PLCH1: variants seen among roughly 807,000 people sequenced by gnomAD.
PLCH1 encodes 1-phosphatidylinositol 4,5-bisphosphate phosphodiesterase eta-1.
Under a neutral mutation model 126.7 loss-of-function variants are expected in PLCH1, and 60 were observed. That is an observed-to-expected ratio of 0.47 (90% CI 0.38 to 0.59). The LOEUF (loss-of-function observed/expected upper bound fraction) is 0.59, where lower values mean the gene tolerates loss of function less well. Among genes scored for constraint, PLCH1 ranks in the 20% least tolerant of loss-of-function variants. The pLI is 0.00. For missense variants in PLCH1, 1,723 were observed against 2,040.0 expected (o/e 0.84, Z 2.99); for synonymous variants, 719 against 734.9 (o/e 0.98, Z 0.35).
At chr3:155,510,930 G>T (rs1420193667) in intron 12 of PLCH1, among the ~76,000 whole-genome samples, 1 of 110,442 alleles carries the variant, frequency 9.1e-6, no homozygotes, top group Non-Finnish European at 1.7e-5. Flanking sequence ...AAGTTCTCCT[G>T]GATAATATCC....
At chr3:155,580,091 A>T (rs1730467112) in intron 6 of PLCH1, among the ~76,000 whole-genome samples, 1 of 152,234 alleles carries the variant, frequency 6.6e-6, no homozygotes, top group African/African-American at 2.4e-5. Flanking sequence ...TCAAACCAAC[A>T]TTAACTTATC....
intron 2 of PLCH1, among the ~76,000 whole-genome samples, chr3:155,687,774 C>T (rs1745070174): frequency 6.6e-6 from 1 of 152,144 alleles, no homozygotes; most frequent in African/African-American, 2.4e-5. Context: ...TGATATAATT[C>T]CCAAGGATCG....
chr3:155,503,497 G>C (rs1336391156), intron 13 of PLCH1, among the ~76,000 whole-genome samples: 4 of 147,798 alleles, frequency 2.7e-5, no homozygotes, highest in Non-Finnish European at 4.5e-5. Flanking sequence ...TTTCCTCTTT[G>C]TACTATTACC....
chr3:155,564,573 A>T (rs1045960739), intron 8 of PLCH1, among the ~76,000 whole-genome samples: 1 of 152,074 alleles, frequency 6.6e-6, no homozygotes, highest in Non-Finnish European at 1.5e-5. Context: ...CAAAAAAAAT[A>T]AAAAATTAAA....
In PLCH1 at chr3:155,568,754, C is replaced by CTGTG. The variant is rs3068946; in HGVS notation, c.772-434_772-431dup. ...AGAATGTTTCTAAGTAAATGTACCTCTGTGTGTGTGTGTGTGTGTGTGTGT... is the reference window on the plus strand; with the variant it reads ...AGAATGTTTCTAAGTAAATGTACCTCTGTGTGTGTGTGTGTGTGTGTGTGTGTGT... On this transcript the variant is annotated intron_variant, in intron 6 of 22. Coordinates refer to ENST00000460012, the MANE Select transcript of PLCH1 (RefSeq NM_014996.4). Among the ~76,000 whole-genome samples the CTGTG allele has an allele frequency of 2.5e-3, 369 of 147,084 alleles. 3 individuals are homozygous for CTGTG. Among genetic ancestry groups the CTGTG allele is most frequent in the South Asian group, 6.1e-3 (28 of 4,598 alleles).
In PLCH1 at chr3:155,482,236, T is replaced by C; in HGVS notation, c.3790A>G (p.Asn1264Asp). The C allele has an allele frequency of 6.2e-7, 1 of 1,614,134 alleles. No homozygotes were observed. The highest frequency in any genetic ancestry group is 8.5e-7 in the Non-Finnish European group (1 of 1,180,004). Residue 1264 changes from asparagine to aspartate, a missense_variant, in exon 23 of 23, where the codon AAC becomes GAC. This residue lies in a region of PLCH1 where 947 missense variants were observed against 977.1 expected (regional missense o/e 0.97). Coordinates refer to ENST00000460012, the MANE Select transcript of PLCH1 (RefSeq NM_014996.4). ...SSSETTKHAT[N>D]TVYETTCTPI... ...GTGCAGGTAGTTTCATAAACTGTGT[T>C]CGTTGCATGTTTGGTGGTCTCAGAA...
At chr3:155,587,112 A>G (rs1731476323) in intron 4 of PLCH1, among the ~76,000 whole-genome samples, 1 of 152,128 alleles carries the variant, frequency 6.6e-6, no homozygotes, top group Non-Finnish European at 1.5e-5. Flanking sequence ...ATTAGTTCTC[A>G]TTCACAAGGT....
At chr3:155,629,281 G>C (rs555964043) in intron 2 of PLCH1, among the ~76,000 whole-genome samples, 1 of 152,256 alleles carries the variant, frequency 6.6e-6, no homozygotes, top group South Asian at 2.1e-4. Context: ...CAATAAAACT[G>C]CTTCCAAATG....
chr3:155,622,673 T>C (rs1736673384), intron 2 of PLCH1, among the ~76,000 whole-genome samples: 1 of 147,868 alleles, frequency 6.8e-6, no homozygotes, highest in Admixed American at 6.7e-5. Context: ...ACAAGGGCAT[T>C]ACATAATGGT....
At chr3:155,615,226 A>G (rs1002339716) in intron 2 of PLCH1, among the ~76,000 whole-genome samples, 8 of 152,230 alleles carry the variant, frequency 5.3e-5, no homozygotes, top group African/African-American at 1.9e-4. Context: ...AATCAAAACC[A>G]CAATGCGATA....
chr3:155,662,600 C>A (rs74322034), intron 2 of PLCH1, among the ~76,000 whole-genome samples: 1,914 of 151,940 alleles, frequency 0.013, 42 homozygotes, highest in African/African-American at 0.043. Context: ...CCAAATACCC[C>A]CAGCCCCAGT....
chr3:155,503,277 G>A (rs952449164), intron 13 of PLCH1, among the ~76,000 whole-genome samples: 2 of 152,040 alleles, frequency 1.3e-5, no homozygotes, highest in Non-Finnish European at 2.9e-5. Context: ...ACTCTATAGG[G>A]TTTCTTTTGC....
At chr3:155,636,549 AC>A (rs2108835824) in intron 2 of PLCH1, among the ~76,000 whole-genome samples, 1 of 152,080 alleles carries the variant, frequency 6.6e-6, no homozygotes, top group South Asian at 2.1e-4. Flanking sequence ...AGAGTTCAAG[AC>A]CAGCTGGCTA....
chr3:155,569,472 G>C (rs1009522231), intron 6 of PLCH1, among the ~76,000 whole-genome samples: 2 of 152,016 alleles, frequency 1.3e-5, no homozygotes, highest in Non-Finnish European at 2.9e-5. Flanking sequence ...TTTCAAACTA[G>C]CATGGTGGCT....
chr3:155,490,837 A>G lies in PLCH1; in HGVS notation c.2339T>C (p.Ile780Thr), dbSNP rs2108072329. The G allele has an allele frequency of 6.3e-7, 1 of 1,595,524 alleles. No individual in the cohort carries two copies. The highest frequency in any genetic ancestry group is 1.3e-5 in the African/African-American group (1 of 74,708). Residue 780 changes from isoleucine (I) to threonine (T), a missense_variant, in exon 19 of 23, where the codon ATT (isoleucine) becomes ACT (threonine). Coordinates refer to ENST00000460012, the MANE Select transcript of PLCH1 (RefSeq NM_014996.4). Reference protein sequence around the residue: ...IIDPFVEVEIIGLPVDCCKDQ... With the variant: ...IIDPFVEVEITGLPVDCCKDQ... ...TTTACAACAATCTACTGGCAATCCA[A>G]TAATTTCAACTTCAACAAAAGGGTC...
chr3:155,663,726 T>C (rs1742431704), intron 2 of PLCH1, among the ~76,000 whole-genome samples: 1 of 152,142 alleles, frequency 6.6e-6, no homozygotes, highest in Non-Finnish European at 1.5e-5. Flanking sequence ...AAGCAGTCAA[T>C]AAACATTAGC....
At chr3:155,740,931 A>G (rs1577394021) in intron 1 of PLCH1, among the ~76,000 whole-genome samples, 1 of 152,208 alleles carries the variant, frequency 6.6e-6, no homozygotes, top group African/African-American at 2.4e-5. Flanking sequence ...GACTATAATA[A>G]GGCATAGGCA....
At chr3:155,667,837 G>A (rs1742905062) in intron 2 of PLCH1, among the ~76,000 whole-genome samples, 1 of 150,510 alleles carries the variant, frequency 6.6e-6, no homozygotes, top group Admixed American at 6.6e-5. Flanking sequence ...GGCTGAGGGG[G>A]GTGGATCACC....
chr3:155,736,484 A>C (rs1749183653), intron 1 of PLCH1, among the ~76,000 whole-genome samples: 1 of 152,218 alleles, frequency 6.6e-6, no homozygotes, highest in Non-Finnish European at 1.5e-5. Context: ...TGGGCAAAAA[A>C]ATAAGAAAAA....
Sources: gnomAD v4.1 joint callset for allele counts (sites outside exome capture counted in the v4.1 genomes callset) on GRCh38, gnomAD v4.1.1 for gene constraint, gnomAD v4.1.1 regional missense constraint, MANE v1.5 for transcripts, NCBI Gene and HGNC (gene_info 2026-07-23, HGNC 2026-07-21) for gene names.